GRIA3: variants seen among roughly 807,000 people sequenced by gnomAD.
The protein encoded by GRIA3 is glutamate receptor 3.
GRIA3 carries 3 observed loss-of-function variants against 63.0 expected under a neutral mutation model. The observed-to-expected ratio is 0.05, with a 90% CI of 0.02 to 0.12. The LOEUF (loss-of-function observed/expected upper bound fraction) is 0.12, where lower values mean the gene tolerates loss of function less well. GRIA3 is among the 10% of genes least tolerant of loss of function. GRIA3 has a pLI of 1.00. For synonymous variants in GRIA3, 274 were observed against 257.9 expected (o/e 1.06, Z -0.60); for missense variants, 347 against 700.9 (o/e 0.50, Z 5.70).
chrX:123,343,172 G>A (rs2045020013), intron 4 of GRIA3, among the ~76,000 whole-genome samples: 1 of 111,576 alleles, frequency 9.0e-6, no homozygotes, highest in South Asian at 3.7e-4. Flanking sequence ...TGAAAAAATC[G>A]TTTAACACCA....
At chrX:123,311,614 A>C (rs2044792921) in intron 3 of GRIA3, among the ~76,000 whole-genome samples, 1 of 112,189 alleles carries the variant, frequency 8.9e-6, no homozygotes, top group Non-Finnish European at 1.9e-5. Flanking sequence ...GACACAAACA[A>C]TAATAAAACC....
intron 5 of GRIA3, among the ~76,000 whole-genome samples, chrX:123,394,743 C>A (rs1437524623): frequency 8.9e-6 from 1 of 112,473 alleles, no homozygotes; most frequent in Non-Finnish European, 1.9e-5. Flanking sequence ...AGCCACATTA[C>A]ATAAAGACAC....
chrX:123,366,896 G>A (rs933989083), intron 5 of GRIA3, among the ~76,000 whole-genome samples: 64 of 111,415 alleles, frequency 5.7e-4, no homozygotes, highest in Non-Finnish European at 3.2e-4. Flanking sequence ...AATAAAATAA[G>A]AAATTAATTT....
chrX:123,251,900 G>T, intron 2 of GRIA3, among the ~76,000 whole-genome samples: 1 of 112,214 alleles, frequency 8.9e-6, no homozygotes, highest in Non-Finnish European at 1.9e-5. Context: ...TTGATAAAAA[G>T]AGAACAGCTC....
chrX:123,292,498 C>T (rs182789253), intron 3 of GRIA3, among the ~76,000 whole-genome samples: 1 of 110,553 alleles, frequency 9.0e-6, no homozygotes, highest in East Asian at 2.9e-4. Context: ...GACCTCCCCC[C>T]ACCCCACACC....
intron 2 of GRIA3, among the ~76,000 whole-genome samples, chrX:123,229,295 G>A (rs1057061286): frequency 1.8e-5 from 2 of 111,838 alleles, no homozygotes; most frequent in African/African-American, 6.5e-5. Context: ...CATGATGACC[G>A]TGAAACTGTA....
chrX:123,185,508 A>AGGGGGGGGGGGGG (rs3216834), intron 1 of GRIA3, among the ~76,000 whole-genome samples: 1 of 40,964 alleles, frequency 2.4e-5, no homozygotes, highest in African/African-American at 7.2e-5. Context: ...CGGGGGGCGG[A>AGGGGGGGGGGGGG]GGGGGGGGGC....
At chrX:123,217,516 T>C (rs995025474) in intron 2 of GRIA3, among the ~76,000 whole-genome samples, 1 of 111,797 alleles carries the variant, frequency 8.9e-6, no homozygotes, top group Non-Finnish European at 1.9e-5. Flanking sequence ...ACCCGCAGGT[T>C]ACCCCTTTCC....
At chrX:123,450,273 C>T (rs990325263) in intron 12 of GRIA3, among the ~76,000 whole-genome samples, 3 of 112,075 alleles carry the variant, frequency 2.7e-5, no homozygotes, top group Non-Finnish European at 5.6e-5. Context: ...GCATCTTGCA[C>T]AGGTTTCAAA....
chrX:123,419,780 CT>C (rs779838336), intron 11 of GRIA3, among the ~76,000 whole-genome samples: 2 of 111,014 alleles, frequency 1.8e-5, no homozygotes, highest in Non-Finnish European at 3.8e-5. Context: ...GGGAAGTTGC[CT>C]CACTTGCCTC....
At chrX:123,362,968 G>A (rs905813008) in intron 5 of GRIA3, among the ~76,000 whole-genome samples, 1 of 112,615 alleles carries the variant, frequency 8.9e-6, no homozygotes, top group African/African-American at 3.2e-5. Flanking sequence ...TTGTAATCAA[G>A]TACTAATTTA....
intron 3 of GRIA3, among the ~76,000 whole-genome samples, chrX:123,274,275 TA>T (rs2044540884): frequency 8.9e-6 from 1 of 112,410 alleles, no homozygotes; most frequent in African/African-American, 3.2e-5. Context: ...AACCCAAACT[TA>T]ATTGTAAGAT....
intron 4 of GRIA3, among the ~76,000 whole-genome samples, chrX:123,348,949 G>C (rs1426878915): frequency 8.9e-6 from 1 of 111,887 alleles, no homozygotes; most frequent in Non-Finnish European, 1.9e-5. Flanking sequence ...AGATATGATG[G>C]CTTTAAGGCA....
At chrX:123,384,132 T>C (rs1165165522) in intron 5 of GRIA3, among the ~76,000 whole-genome samples, 3 of 112,060 alleles carry the variant, frequency 2.7e-5, no homozygotes, top group South Asian at 3.8e-4. Context: ...TGATTCCATG[T>C]CTTTGCTATT....
chrX:123,208,678 T>G (rs1312067468), intron 2 of GRIA3, among the ~76,000 whole-genome samples: 1 of 112,147 alleles, frequency 8.9e-6, no homozygotes, highest in Non-Finnish European at 1.9e-5. Flanking sequence ...ATAAAGGACC[T>G]TAAAGGTCAT....
intron 3 of GRIA3, among the ~76,000 whole-genome samples, chrX:123,305,344 T>C (rs2044748400): frequency 9.0e-6 from 1 of 111,649 alleles, no homozygotes; most frequent in Admixed American, 9.5e-5. Flanking sequence ...TACCAAAATA[T>C]AGCAAAAACC....
chrX:123,289,253 A>T, intron 3 of GRIA3, among the ~76,000 whole-genome samples: 1 of 109,740 alleles, frequency 9.1e-6, no homozygotes, highest in Middle Eastern at 4.7e-3. Flanking sequence ...GGAACATCAC[A>T]CGCTGGGGCC....
chrX:123,328,282 G>GA (rs1226011801), intron 4 of GRIA3, among the ~76,000 whole-genome samples: 1 of 111,676 alleles, frequency 9.0e-6, no homozygotes, highest in Non-Finnish European at 1.9e-5. Context: ...AAATGCTACA[G>GA]AAAAAACAAT....
intron 4 of GRIA3, among the ~76,000 whole-genome samples, chrX:123,327,711 C>T (rs759000604): frequency 2.7e-5 from 3 of 110,564 alleles, no homozygotes; most frequent in Admixed American, 1.9e-4. Flanking sequence ...TTGTTAAGAT[C>T]GGCATTACCC....
Sources: gnomAD v4.1 joint callset for allele counts (sites outside exome capture counted in the v4.1 genomes callset) on GRCh38, gnomAD v4.1.1 for gene constraint, MANE v1.5 for transcripts, NCBI Gene and HGNC (gene_info 2026-07-23, HGNC 2026-07-21) for gene names.